HIF3A: variants seen among roughly 807,000 people sequenced by gnomAD.
The protein encoded by HIF3A is hypoxia inducible factor 3 subunit alpha.
Under a neutral mutation model 67.2 loss-of-function variants are expected in HIF3A, and 41 were observed. That is an observed-to-expected ratio of 0.61 (90% CI 0.48 to 0.79). HIF3A has a LOEUF of 0.79. Among genes scored for constraint, HIF3A ranks in the 30% least tolerant of loss-of-function variants. The pLI is 0.00. For missense variants in HIF3A, 855 were observed against 898.0 expected (o/e 0.95, Z 0.61); for synonymous variants, 356 against 374.8 (o/e 0.95, Z 0.58).
intron 13 of HIF3A, 147 bp from the exon 14 acceptor site, chr19:46,334,758 G>T: frequency 3.6e-6 from 2 of 554,808 alleles, no homozygotes; most frequent in Non-Finnish European, 6.3e-6. Context: ...TCTTGCCCAG[G>T]CTGGTCTCAA....
At chr19:46,316,025 G>A (rs2147199087) in intron 8 of HIF3A, among the ~76,000 whole-genome samples, 1 of 152,284 alleles carries the variant, frequency 6.6e-6, no homozygotes, top group East Asian at 1.9e-4. Context: ...GAGGTCAGGA[G>A]TTCTGGACCA....
In HIF3A at chr19:46,305,255, C is replaced by G; in HGVS notation, c.228C>G (p.Asn76Lys). Residue 76 changes from asparagine to lysine, a missense_variant, in exon 3 of 15, where the codon AAC becomes AAG. Physicochemically the swap from Asn to Lys is moderately conservative, Grantham distance 94 (BLOSUM62 0). Around this residue, in one of 3 missense-constraint regions of HIF3A, gnomAD observed 638 missense variants for 660.5 expected, o/e 0.97. Transcript: ENST00000377670. The part of the protein sequence containing the change: ...MHRLCAAGEW[N>K]QVGAGGEPLD... The stretch of plus-strand genomic sequence containing the variant: ...TGCCCCGGGCACCAGGGGAGTGGAA[C>G]CAGGTGGGAGCAGGGGGAGAACCAC... 1 of 1,614,034 alleles carries G rather than the reference C, an allele frequency of 6.2e-7. No homozygotes were observed. The highest frequency in any genetic ancestry group is 1.3e-5 in the African/African-American group (1 of 75,058).
chr19:46,324,953 T>TACAC (rs1300395542), intron 10 of HIF3A, among the ~76,000 whole-genome samples: 1 of 140,990 alleles, frequency 7.1e-6, no homozygotes, highest in African/African-American at 2.6e-5. Flanking sequence ...CATATATATA[T>TACAC]ATATACACAT....
At chr19:46,303,111 G>A (rs1010906709) in intron 1 of HIF3A, among the ~76,000 whole-genome samples, 2 of 152,192 alleles carry the variant, frequency 1.3e-5, no homozygotes, top group African/African-American at 4.8e-5. Context: ...TCAATGGGAC[G>A]TTATCAACTT....
intron 14 of HIF3A, chr19:46,338,392 G>A (rs186718854): frequency 1.6e-4 from 64 of 391,302 alleles, no homozygotes; most frequent in South Asian, 9.1e-4. Context: ...TTGTAGAGAC[G>A]AGGTTTCACC....
chr19:46,301,836 ATT>A (rs1395619306), intron 1 of HIF3A, among the ~76,000 whole-genome samples: 1 of 143,896 alleles, frequency 6.9e-6, no homozygotes, highest in African/African-American at 2.5e-5. Flanking sequence ...AAAAAAAAAA[ATT>A]AAAAATTAAA....
Position 46,334,994 on chromosome 19 carries a change from G to C in HIF3A, c.1912+8G>C. On this transcript the variant is annotated splice_region_variant and intron_variant, in intron 14 of 14. Transcript: ENST00000377670. ...ACCTGAATGAGCCCCTGGGTGAGTA[G>C]CAACCTGGGTATCCAGAGCCCCAGA... 1 of 1,599,356 alleles carries C rather than the reference G, an allele frequency of 6.3e-7. No homozygotes were observed. The highest frequency in any genetic ancestry group is 8.5e-7 in the Non-Finnish European group (1 of 1,171,966).
chr19:46,326,134 G>T (rs1198460097), intron 11 of HIF3A, among the ~76,000 whole-genome samples: 1 of 152,210 alleles, frequency 6.6e-6, no homozygotes, highest in Non-Finnish European at 1.5e-5. Flanking sequence ...TCTGGGGTTA[G>T]AGGGTTTTCT....
At chr19:46,312,336 C>T in intron 7 of HIF3A, 69 bp downstream of exon 7, 1 of 1,612,842 alleles carries the variant, frequency 6.2e-7, no homozygotes, top group Non-Finnish European at 8.5e-7. Flanking sequence ...CAGGACCCCC[C>T]AGCTCCCCAT....
intron 14 of HIF3A, among the ~76,000 whole-genome samples, chr19:46,336,085 CTTTTTTTTTTTTTTT>C (rs1017798750): frequency 2.5e-5 from 2 of 79,370 alleles, no homozygotes; most frequent in African/African-American, 5.5e-5. Context: ...CTCTCTCTCT[CTTTTTTTTTTTTTTT>C]TTTTTTTTTT....
In HIF3A at chr19:46,297,144, TCTC is replaced by T. The variant is rs1339010486; in HGVS notation, c.26+48_26+50del. ...GCAGGAGTTCTGGGAATTGGGGGGC[TCTC>T]CTCCTGGAGACCCCTGAGCTGGATT... On this transcript the variant is annotated intron_variant, in intron 1 of 14. Transcript: ENST00000377670. This position sits in a 1 kb window ranked among gnomAD's most constrained non-coding sequence, Gnocchi z 4.5. 3 of 449,080 alleles carry T rather than the reference TCTC, an allele frequency of 6.7e-6. No homozygotes were observed. Among genetic ancestry groups the T allele is most frequent in the Admixed American group, 4.1e-5 (1 of 24,614 alleles). 27.8% of individuals were successfully genotyped at this position (449,080 alleles called of 1,614,324 possible). A position where few individuals can be genotyped will look rare whatever the true frequency, so the allele number is the denominator to read the frequency against.
chr19:46,301,834 AAAT>A (rs1414852257), intron 1 of HIF3A, among the ~76,000 whole-genome samples: 3 of 144,040 alleles, frequency 2.1e-5, no homozygotes, highest in Non-Finnish European at 1.6e-5. Context: ...AAAAAAAAAA[AAAT>A]TAAAAATTAA....
At chr19:46,332,907 T>C (rs2147296929) in intron 13 of HIF3A, among the ~76,000 whole-genome samples, 1 of 151,284 alleles carries the variant, frequency 6.6e-6, no homozygotes, top group East Asian at 2.0e-4. Flanking sequence ...GCTTGAACTC[T>C]GGAGGCAGAG....
At chr19:46,313,531 G>A (rs887946) in intron 8 of HIF3A, among the ~76,000 whole-genome samples, 85,307 of 147,676 alleles carry the variant, frequency 0.58, 25,916 homozygotes, top group Non-Finnish European at 0.69. Flanking sequence ...TAGATGGTTT[G>A]CATATGGTAA....
At chr19:46,318,378 C>T (rs1019071216) in intron 8 of HIF3A, among the ~76,000 whole-genome samples, 11 of 151,352 alleles carry the variant, frequency 7.3e-5, no homozygotes, top group African/African-American at 2.2e-4. Context: ...AGGGAGACCC[C>T]ATCTTTACAA....
Position 46,321,910 on chromosome 19 carries a change from G to A in HIF3A, c.1279G>A (p.Val427Ile), listed in dbSNP as rs1206260224. 1 of 1,613,834 alleles carries A rather than the reference G, an allele frequency of 6.2e-7. No homozygotes were observed. Among genetic ancestry groups the A allele is most frequent in the Non-Finnish European group, 8.5e-7 (1 of 1,180,020 alleles). Residue 427 changes from valine to isoleucine, a missense_variant, in exon 10 of 15, where the codon GTA (valine) becomes ATA (isoleucine). Coordinates refer to ENST00000377670, the MANE Select transcript of HIF3A (RefSeq NM_152795.4). ...GGGACCCATCCTGGATGGGGCTTCA[G>A]TAGCAGCCACTCCCAGCACCCCGCT... ...LLGPILDGASVAATPSTPLAT... is the reference protein window; with the variant it reads ...LLGPILDGASIAATPSTPLAT...
At chr19:46,322,509 G>A (rs1403992096) in intron 10 of HIF3A, among the ~76,000 whole-genome samples, 3 of 151,916 alleles carry the variant, frequency 2.0e-5, no homozygotes, top group South Asian at 2.1e-4. Context: ...GCGCAATCTC[G>A]GCTCACTGCA....
At chr19:46,322,076 G>A (rs1055227916) in intron 10 of HIF3A, 110 bp downstream of exon 10, 6 of 1,094,840 alleles carry the variant, frequency 5.5e-6, no homozygotes, top group Non-Finnish European at 7.8e-6. Context: ...TTCTCCATCT[G>A]TGTAGTGGGG....
At chr19:46,304,163 C>A in intron 2 of HIF3A, 75 bp downstream of exon 2, 1 of 1,348,968 alleles carries the variant, frequency 7.4e-7, no homozygotes, top group East Asian at 2.5e-5. Context: ...CAGGGAGGCC[C>A]CTCCTCCGGG....
Sources: allele counts gnomAD v4.1 joint callset (sites outside exome capture counted in the v4.1 genomes callset), GRCh38; gene constraint gnomAD v4.1.1; regional missense constraint gnomAD v4.1.1; non-coding constraint Gnocchi (gnomAD v3.1); transcripts MANE v1.5; gene names NCBI Gene and HGNC (gene_info 2026-07-23, HGNC 2026-07-21).